Variants in UBE3C observed in about 807,000 individuals in gnomAD.
The protein encoded by UBE3C is ubiquitin-protein ligase E3C.
Under a neutral mutation model 129.4 loss-of-function variants are expected in UBE3C, and 42 were observed. That is an observed-to-expected ratio of 0.32 (90% CI 0.25 to 0.42). The LOEUF (loss-of-function observed/expected upper bound fraction) is 0.42, where lower values mean the gene tolerates loss of function less well. Among genes scored for constraint, UBE3C ranks in the 10% least tolerant of loss-of-function variants. The probability of loss-of-function intolerance (pLI) is 1.00; values close to 1 mark genes in which losing one functional copy is unlikely to be tolerated. For missense variants in UBE3C, 1,049 were observed against 1,319.1 expected (o/e 0.80, Z 3.17); for synonymous variants, 510 against 492.4 (o/e 1.04, Z -0.47).
rs144678971 is a variant in UBE3C, at chr7:157,216,845, C to T, written c.1810-22C>T. 1,080 of 1,585,706 alleles carry T rather than the reference C, an allele frequency of 6.8e-4. 1 individual carries two copies. Among genetic ancestry groups the T allele is most frequent in the East Asian group, 4.0e-3 (177 of 44,692 alleles). The stretch of plus-strand genomic sequence containing the variant: ...TGCTGCCGAGCTCACGTGTGTGACG[C>T]GGATATGTTCTTTCTTTTCAGGTTA... On this transcript the variant is annotated intron_variant, in intron 13 of 22. Transcript: ENST00000348165.
Position 157,220,563 on chromosome 7 carries a change from A to G in UBE3C, c.1915-126A>G, listed in dbSNP as rs569330311. 75 of 925,226 alleles carry G rather than the reference A, an allele frequency of 8.1e-5. No homozygotes were observed. In the African/African-American group the frequency reaches 1.2e-3, roughly 14 times the overall value. 57.3% of individuals were successfully genotyped at this position (925,226 alleles called of 1,614,324 possible). On this transcript the variant is annotated intron_variant, in intron 14 of 22. Transcript: ENST00000348165. Reference sequence around the variant, plus strand: ...GTAAAGCAAAAGGGGACATGAAGGTATGAGGTCAGAGAGAGGGCCCAGCCC... The same window carrying G: ...GTAAAGCAAAAGGGGACATGAAGGTGTGAGGTCAGAGAGAGGGCCCAGCCC...
intron 10 of UBE3C, chr7:157,192,928 A>C: frequency 1.5e-6 from 1 of 652,382 alleles, no homozygotes; most frequent in Non-Finnish European, 2.7e-6. Context: ...ACTTTCCCCC[A>C]TTTTAATTTA....
Position 157,267,434 on chromosome 7 carries a change from C to CA in UBE3C, c.3082-149dup. 6.2e-6 allele frequency: 6 copies of CA among 968,882 alleles called. No individual in the cohort carries two copies. The South Asian group carries it at 7.5e-5, about 12-fold the overall frequency. The allele number at this position is 968,882 out of a possible 1,614,324, so 60.0% of individuals were successfully genotyped here. Reference sequence around the variant, plus strand: ...TAGACTCCATCTCAAAGAAAACAAACAACAACAACAAAGCAAATGTGGTTT... The same window carrying CA: ...TAGACTCCATCTCAAAGAAAACAAACAAACAACAACAAAGCAAATGTGGTTT... On this transcript the variant is annotated intron_variant, in intron 22 of 22. Transcript: ENST00000348165.
intron 14 of UBE3C, among the ~76,000 whole-genome samples, chr7:157,218,559 T>G (rs932734051): frequency 6.6e-6 from 1 of 152,230 alleles, no homozygotes; most frequent in Non-Finnish European, 1.5e-5. Flanking sequence ...ATTTGTGAGT[T>G]AAGCCTGTTG....
chr7:157,230,961 T>C (rs1796008325), intron 17 of UBE3C, 119 bp from the exon 18 acceptor site: 1 of 1,367,952 alleles, frequency 7.3e-7, no homozygotes, highest in Admixed American at 2.2e-5. Flanking sequence ...TTTTGAGTCC[T>C]ATGTTAAAAT....
At chr7:157,165,224 TCTC>T (rs1036503637) in intron 2 of UBE3C, among the ~76,000 whole-genome samples, 7 of 152,154 alleles carry the variant, frequency 4.6e-5, no homozygotes, top group Middle Eastern at 3.4e-3. Flanking sequence ...GCTTCATTCT[TCTC>T]CTCCTCTCCT....
chr7:157,258,453 G>A (rs887033486), intron 22 of UBE3C, among the ~76,000 whole-genome samples: 1 of 151,750 alleles, frequency 6.6e-6, no homozygotes, highest in Admixed American at 6.6e-5. Context: ...TTGCTGTTTT[G>A]TTTGTTTCTT....
At chr7:157,201,152 C>T (rs755733142) in intron 10 of UBE3C, among the ~76,000 whole-genome samples, 2 of 151,712 alleles carry the variant, frequency 1.3e-5, no homozygotes, top group Non-Finnish European at 2.9e-5. Context: ...TGTGAAACCT[C>T]ATCTCTACTA....
At chr7:157,225,298 A>G (rs1795845702) in intron 16 of UBE3C, 109 bp from the exon 17 acceptor site, 1 of 1,311,180 alleles carries the variant, frequency 7.6e-7, no homozygotes, top group South Asian at 1.5e-5. Context: ...ATTAGCATTT[A>G]TTTCAGAATT....
At position 157,268,537 on chromosome 7, in the gene UBE3C, T is replaced by TG. The variant is rs1251187945; in HGVS notation, c.*787dup. 7 of 152,566 alleles carry TG rather than the reference T, an allele frequency of 4.6e-5. No individual in the cohort carries two copies. In the South Asian group the frequency reaches 8.3e-4, roughly 18 times the overall value. The allele number at this position is 152,566 out of a possible 1,614,324, so 9.5% of individuals were successfully genotyped here. A position where few individuals can be genotyped will look rare whatever the true frequency, so the allele number is the denominator to read the frequency against. On this transcript the variant is annotated 3_prime_UTR_variant, in exon 23 of 23. Coordinates refer to ENST00000348165, the MANE Select transcript of UBE3C (RefSeq NM_014671.3). ...CTGTCACCCACTATACCCAGTTACT[T>TG]GGGGGAGGACAGACACTGTGGTGTC...
chr7:157,170,570 A>C, intron 4 of UBE3C, 120 bp downstream of exon 4: 1 of 1,103,762 alleles, frequency 9.1e-7, no homozygotes, highest in Non-Finnish European at 1.2e-6. Context: ...AGGCTTTGCA[A>C]ACTTCTCAGC....
At chr7:157,249,852 C>T (rs773194184) in intron 19 of UBE3C, among the ~76,000 whole-genome samples, 14 of 152,146 alleles carry the variant, frequency 9.2e-5, no homozygotes, top group Non-Finnish European at 1.9e-4. Context: ...GCTTCAAATA[C>T]ACTCTGTGCA....
At chr7:157,172,513 T>C (rs1256787024) in intron 4 of UBE3C, among the ~76,000 whole-genome samples, 2 of 152,094 alleles carry the variant, frequency 1.3e-5, no homozygotes, top group Admixed American at 1.3e-4. Context: ...ATTCCTCTAG[T>C]GTTTGGCTTT....
chr7:157,143,874 G>T (rs569275069), intron 1 of UBE3C, among the ~76,000 whole-genome samples: 1 of 152,162 alleles, frequency 6.6e-6, no homozygotes, highest in African/African-American at 2.4e-5. Flanking sequence ...GGTGGGACTC[G>T]TGAGGTACTG....
intron 22 of UBE3C, 31 bp downstream of exon 22, chr7:157,257,075 G>A: frequency 6.2e-7 from 1 of 1,612,410 alleles, no homozygotes. Flanking sequence ...TTGCTTTAAA[G>A]ACCACTTCAT....
At chr7:157,172,818 A>G (rs147980845) in intron 4 of UBE3C, among the ~76,000 whole-genome samples, 1 of 152,336 alleles carries the variant, frequency 6.6e-6, no homozygotes, top group Non-Finnish European at 1.5e-5. Flanking sequence ...ACCAAGGAGC[A>G]CAGACAGGCA....
intron 22 of UBE3C, among the ~76,000 whole-genome samples, chr7:157,261,706 C>T (rs1422942192): frequency 6.6e-6 from 1 of 152,146 alleles, no homozygotes; most frequent in Non-Finnish European, 1.5e-5. Flanking sequence ...TATGAAACTC[C>T]TTAGTGCCAG....
At chr7:157,218,567 T>C (rs1001778017) in intron 14 of UBE3C, among the ~76,000 whole-genome samples, 2 of 152,260 alleles carry the variant, frequency 1.3e-5, no homozygotes, top group Non-Finnish European at 2.9e-5. Context: ...GTTAAGCCTG[T>C]TGCATCTAAC....
intron 13 of UBE3C, among the ~76,000 whole-genome samples, chr7:157,210,040 C>A (rs941231639): frequency 6.6e-6 from 1 of 152,096 alleles, no homozygotes; most frequent in Non-Finnish European, 1.5e-5. Flanking sequence ...ATTAGCTGGG[C>A]GTGATGTACG....
Sources: allele counts gnomAD v4.1 joint callset (sites outside exome capture counted in the v4.1 genomes callset), GRCh38; gene constraint gnomAD v4.1.1; transcripts MANE v1.5; gene names NCBI Gene and HGNC (gene_info 2026-07-23, HGNC 2026-07-21).